The following FMR1 variants were observed in gnomAD, a reference collection of about 807,000 sequenced individuals.
FMR1 encodes FMRP translational regulator 1.
Under a neutral mutation model 50.6 loss-of-function variants are expected in FMR1, and 13 were observed. That is an observed-to-expected ratio of 0.26 (90% confidence interval 0.17 to 0.41). The LOEUF (loss-of-function observed/expected upper bound fraction) is 0.41. Among genes scored for constraint, FMR1 ranks in the 10% least tolerant of loss-of-function variants. The pLI, the probability that FMR1 is intolerant of heterozygous loss-of-function variation, is 1.00. For synonymous variants in FMR1, 138 were observed against 164.1 expected, an observed-to-expected ratio of 0.84 and a Z score of 1.22; for missense variants, 316 against 491.3, an observed-to-expected ratio of 0.64 and a Z score of 3.37.
chrX:147,927,099 C>G (rs1175216093), intron 3 of FMR1, among the ~76,000 whole-genome samples: 2 of 111,783 alleles, frequency 1.8e-5, no homozygotes, highest in African/African-American at 6.5e-5. Context: ...AGCAGCTGGG[C>G]TTGGTTTTGC....
At position 147,915,461 on chromosome X, in the gene FMR1, A is replaced by C. The variant is rs781818537; in HGVS notation, c.51+3231A>C. On this transcript the variant is annotated intron_variant, in intron 1 of 16. Transcript: ENST00000370475. The stretch of plus-strand genomic sequence containing the variant: ...GTTATTCTGTACTTCGAGGAAGTGA[A>C]TTATTGGGGTCAACCACATTTTTTT... Among the ~76,000 whole-genome samples, 12 of 111,507 alleles carry C rather than the reference A, an allele frequency of 1.1e-4. No individual in the cohort carries two copies. In the East Asian group the frequency reaches 3.4e-3, roughly 31 times the overall value.
chrX:147,919,811 T>C (rs782415267), intron 1 of FMR1, among the ~76,000 whole-genome samples: 10 of 112,307 alleles, frequency 8.9e-5, no homozygotes, highest in Non-Finnish European at 1.1e-4. Flanking sequence ...TCAGCTTCCA[T>C]AGTTTTTCTT....
chrX:147,939,937 G>A (rs1247142646), intron 12 of FMR1, among the ~76,000 whole-genome samples: 2 of 101,632 alleles, frequency 2.0e-5, no homozygotes, highest in African/African-American at 3.6e-5. Context: ...GGAGGCGGGC[G>A]GATCACGAGG....
At position 147,932,463 on chromosome X, in the gene FMR1, T is replaced by C. The variant is rs782260774; in HGVS notation, c.669T>C (p.Phe223=). 1 of 1,210,765 alleles carries C rather than the reference T, an allele frequency of 8.3e-7. No homozygotes were observed. The highest frequency in any genetic ancestry group is 1.8e-5 in the South Asian group (1 of 56,955). Residue 223 remains phenylalanine, a synonymous_variant, in exon 8 of 17, where the codon TTT becomes TTC. Transcript: ENST00000370475. ...TTGCCTCGAGATTTCATGAACAGTTTATCGTAAGAGAAGATCTGATGGGTC... is the reference window on the plus strand; with the variant it reads ...TTGCCTCGAGATTTCATGAACAGTTCATCGTAAGAGAAGATCTGATGGGTC... ...RQLASRFHEQ[F]IVREDLMGLA...
intron 12 of FMR1, among the ~76,000 whole-genome samples, chrX:147,939,292 A>G (rs1186993410): frequency 9.0e-6 from 1 of 110,535 alleles, no homozygotes; most frequent in African/African-American, 3.3e-5. Context: ...TATATGGGCT[A>G]GGAGTACAGA....
intron 9 of FMR1, chrX:147,933,315 T>A (rs1454677008): frequency 2.3e-6 from 1 of 428,776 alleles, no homozygotes; most frequent in Non-Finnish European, 3.6e-6. Context: ...TGAATGATAT[T>A]TGGGGACTTT....
At chrX:147,918,917 G>A (rs782292239) in intron 1 of FMR1, among the ~76,000 whole-genome samples, 23 of 110,864 alleles carry the variant, frequency 2.1e-4, no homozygotes, top group South Asian at 3.8e-4. Context: ...CACATGACCC[G>A]TGGCTACTAT....
intron 9 of FMR1, among the ~76,000 whole-genome samples, chrX:147,934,891 C>G: frequency 9.0e-6 from 1 of 111,537 alleles, no homozygotes; most frequent in Non-Finnish European, 1.9e-5. Flanking sequence ...TTTGTGATCT[C>G]TATTTTTCAC....
intron 3 of FMR1, among the ~76,000 whole-genome samples, chrX:147,926,843 C>T (rs782440071): frequency 4.2e-4 from 46 of 110,556 alleles, no homozygotes; most frequent in Non-Finnish European, 7.4e-4. Flanking sequence ...AAAAACAGGA[C>T]AGAATCTTCT....
intron 9 of FMR1, 89 bp from the exon 10 acceptor site, chrX:147,936,415 T>C (rs1557179661): frequency 1.7e-6 from 1 of 576,939 alleles, no homozygotes; most frequent in Non-Finnish European, 3.0e-6. Flanking sequence ...AATATCTATC[T>C]ATATGAATGT....
chrX:147,930,738 T>C (rs782514586), intron 7 of FMR1: 1 of 114,316 alleles, frequency 8.7e-6, no homozygotes, highest in African/African-American at 3.2e-5. Context: ...TCTACTTTTA[T>C]TAATCCTCCA....
chrX:147,920,864 T>C (rs1317286945), intron 1 of FMR1, among the ~76,000 whole-genome samples: 1 of 111,853 alleles, frequency 8.9e-6, no homozygotes, highest in Non-Finnish European at 1.9e-5. Context: ...AAAGAAGGAA[T>C]GGAGAGAGGC....
intron 7 of FMR1, among the ~76,000 whole-genome samples, chrX:147,931,346 C>A (rs1251004057): frequency 9.0e-6 from 1 of 111,591 alleles, no homozygotes; most frequent in Non-Finnish European, 1.9e-5. Flanking sequence ...GATTAATGAA[C>A]CAGGACTCAA....
At chrX:147,938,687 C>A (rs2043873863) in intron 12 of FMR1, among the ~76,000 whole-genome samples, 1 of 111,606 alleles carries the variant, frequency 9.0e-6, no homozygotes, top group Non-Finnish European at 1.9e-5. Context: ...ATTGTAAGTT[C>A]TTTGAGGGCA....
Position 147,948,947 on chromosome X carries a change from C to A in FMR1, c.*103C>A. ...AAGACAAATAGTAGGCAAGATGGCA[C>A]AGGGCATGAAATGAACACAAATTAT... On this transcript the variant is annotated 3_prime_UTR_variant, in exon 17 of 17. Coordinates refer to ENST00000370475, the MANE Select transcript of FMR1 (RefSeq NM_002024.6). 1 of 845,053 alleles carries A rather than the reference C, an allele frequency of 1.2e-6. No individual in the cohort carries two copies. The highest frequency in any genetic ancestry group is 1.8e-6 in the Non-Finnish European group (1 of 569,220). 69.6% of individuals were successfully genotyped at this position (845,053 alleles called of 1,213,427 possible).
chrX:147,933,470 C>T lies in FMR1; in HGVS notation c.880+707C>T, dbSNP rs532354486. On this transcript the variant is annotated intron_variant, in intron 9 of 16. Coordinates refer to ENST00000370475, the MANE Select transcript of FMR1 (RefSeq NM_002024.6). ...AAGCTAGAAGAAACTTCAGATGTCT[C>T]TGGGACTTTCTGCAAAGTCAATAGT... 3 of 966,936 alleles carry T rather than the reference C, an allele frequency of 3.1e-6. No individual in the cohort carries two copies. The South Asian group carries it at 1.1e-4, about 36-fold the overall frequency. The allele number at this position is 966,936 out of a possible 1,213,427, so 79.7% of individuals were successfully genotyped here.
At chrX:147,919,461 T>A (rs1008682031) in intron 1 of FMR1, among the ~76,000 whole-genome samples, 10 of 112,253 alleles carry the variant, frequency 8.9e-5, no homozygotes, top group Non-Finnish European at 1.7e-4. Context: ...TAAAATATCA[T>A]TGGCAGTATT....
chrX:147,934,155 G>A (rs189624181), intron 9 of FMR1, among the ~76,000 whole-genome samples: 192 of 109,786 alleles, frequency 1.7e-3, no homozygotes, highest in Non-Finnish European at 3.3e-3. Flanking sequence ...AGTTAGAAAG[G>A]TTATTGTAAA....
At chrX:147,922,299 AAGAT>A (rs2043208266) in intron 2 of FMR1, among the ~76,000 whole-genome samples, 1 of 112,105 alleles carries the variant, frequency 8.9e-6, no homozygotes, top group Non-Finnish European at 1.9e-5. Context: ...AAATTTTAAA[AAGAT>A]AGTAATGAAA....
Sources: allele counts gnomAD v4.1 joint callset (sites outside exome capture counted in the v4.1 genomes callset), GRCh38; gene constraint gnomAD v4.1.1; transcripts MANE v1.5; gene names NCBI Gene and HGNC (gene_info 2026-07-23, HGNC 2026-07-21).